RHBDD1: variants seen among roughly 807,000 people sequenced by gnomAD.
RHBDD1 encodes the protein rhomboid-related protein 4.
In RHBDD1, 38 loss-of-function variants were observed where a neutral mutation model predicts 36.3. The observed-to-expected ratio is 1.05, with a 90% CI of 0.81 to 1.37. The LOEUF is 1.37. RHBDD1 is among the 40% of genes most tolerant of loss of function. RHBDD1 has a pLI of 0.00. For missense variants in RHBDD1, 393 were observed against 377.6 expected (o/e 1.04, Z -0.34); for synonymous variants, 151 against 136.5 (o/e 1.11, Z -0.74).
Position 226,995,369 on chromosome 2 carries a change from T to G in RHBDD1, c.857-62T>G. On this transcript the variant is annotated intron_variant, in intron 8 of 8. Coordinates refer to ENST00000392062, the MANE Select transcript of RHBDD1 (RefSeq NM_001167608.3). Reference sequence around the variant, plus strand: ...CTATCACTTTGTTCCCTTGGAATCCTAGGGTACACATGCCTTGTCACGTCA... The same window carrying G: ...CTATCACTTTGTTCCCTTGGAATCCGAGGGTACACATGCCTTGTCACGTCA... 3.0e-6 allele frequency: 3 copies of G among 1,006,414 alleles called. No individual in the cohort carries two copies. The South Asian group carries it at 4.0e-5, about 13-fold the overall frequency. The allele number at this position is 1,006,414 out of a possible 1,614,324, so 62.3% of individuals were successfully genotyped here.
At chr2:226,860,309 G>T (rs1943732056) in intron 3 of RHBDD1, among the ~76,000 whole-genome samples, 1 of 152,030 alleles carries the variant, frequency 6.6e-6, no homozygotes, top group South Asian at 2.1e-4. Flanking sequence ...TTGTGGTCTG[G>T]ATACAAGTTA....
intron 8 of RHBDD1, among the ~76,000 whole-genome samples, chr2:226,958,616 A>G (rs1422604086): frequency 6.6e-6 from 1 of 152,112 alleles, no homozygotes; most frequent in Admixed American, 6.5e-5. Flanking sequence ...AAGTAGGTAT[A>G]TCATCCTAAT....
At chr2:226,867,430 ATC>A in intron 5 of RHBDD1, 112 bp downstream of exon 5, 1 of 1,270,270 alleles carries the variant, frequency 7.9e-7, no homozygotes, top group Non-Finnish European at 1.1e-6. Context: ...TTTATTCTTT[ATC>A]TATTAGGACA....
At chr2:226,982,438 G>A (rs1955981886) in intron 8 of RHBDD1, among the ~76,000 whole-genome samples, 1 of 152,166 alleles carries the variant, frequency 6.6e-6, no homozygotes, top group South Asian at 2.1e-4. Flanking sequence ...TACTAATCAG[G>A]CTTATGGTAG....
chr2:226,827,536 TTTTG>T, the RHBDD1 span, among the ~76,000 whole-genome samples: 1 of 152,226 alleles, frequency 6.6e-6, no homozygotes, highest in Non-Finnish European at 1.5e-5. Flanking sequence ...CGCCTTTTTG[TTTTG>T]TTTTTGTTTG....
intron 8 of RHBDD1, among the ~76,000 whole-genome samples, chr2:226,983,946 G>A (rs1447114081): frequency 1.3e-5 from 2 of 152,192 alleles, no homozygotes; most frequent in Admixed American, 6.5e-5. Flanking sequence ...GCAATGGTGT[G>A]GGGGATCTTG....
chr2:226,844,766 A>G (rs1176925495), intron 3 of RHBDD1, among the ~76,000 whole-genome samples: 4 of 152,192 alleles, frequency 2.6e-5, no homozygotes, highest in African/African-American at 7.2e-5. Flanking sequence ...CCCTCATTAC[A>G]CTAAACCGTG....
intron 8 of RHBDD1, among the ~76,000 whole-genome samples, chr2:226,949,366 A>C (rs1441970459): frequency 6.6e-6 from 1 of 152,182 alleles, no homozygotes; most frequent in Non-Finnish European, 1.5e-5. Context: ...GGTTAGGGGA[A>C]GTTGGGGGCA....
At chr2:226,808,550 T>C in the RHBDD1 span, 1 of 152,196 alleles carries the variant, frequency 6.6e-6, no homozygotes, top group Admixed American at 6.5e-5. Context: ...TGCGTTAGAA[T>C]GACTGAAGGC....
At chr2:226,964,374 A>G (rs1432486777) in intron 8 of RHBDD1, among the ~76,000 whole-genome samples, 5 of 152,162 alleles carry the variant, frequency 3.3e-5, no homozygotes, top group African/African-American at 9.7e-5. Flanking sequence ...CCTTGAAACC[A>G]TACCTTTTTT....
intron 5 of RHBDD1, among the ~76,000 whole-genome samples, chr2:226,901,996 G>T (rs1947637166): frequency 6.6e-6 from 1 of 152,152 alleles, no homozygotes; most frequent in Non-Finnish European, 1.5e-5. Flanking sequence ...TGTGGTCATG[G>T]ATGTAGAGTT....
the RHBDD1 span, among the ~76,000 whole-genome samples, chr2:226,829,564 TTTA>T: frequency 6.6e-6 from 1 of 152,216 alleles, no homozygotes; most frequent in African/African-American, 2.4e-5. Flanking sequence ...TTACACTTCT[TTTA>T]TTAATTTGAT....
At chr2:226,816,938 A>T in the RHBDD1 span, among the ~76,000 whole-genome samples, 1 of 139,682 alleles carries the variant, frequency 7.2e-6, no homozygotes, top group Non-Finnish European at 1.6e-5. Flanking sequence ...CTGAGGGACA[A>T]CTTGCATTTT....
At chr2:226,981,486 CTG>C (rs1955736640) in intron 8 of RHBDD1, among the ~76,000 whole-genome samples, 1 of 151,840 alleles carries the variant, frequency 6.6e-6, no homozygotes, top group Admixed American at 6.6e-5. Context: ...TCTCCTGCCT[CTG>C]TAGGTTAGCA....
At chr2:226,981,282 G>A (rs1385132461) in intron 8 of RHBDD1, among the ~76,000 whole-genome samples, 1 of 152,114 alleles carries the variant, frequency 6.6e-6, no homozygotes, top group Non-Finnish European at 1.5e-5. Flanking sequence ...GAGTTGATGG[G>A]TGCAGCGGGC....
At chr2:226,866,230 C>T (rs185632854) in intron 4 of RHBDD1, among the ~76,000 whole-genome samples, 1 of 152,092 alleles carries the variant, frequency 6.6e-6, no homozygotes. Flanking sequence ...CACCACCATG[C>T]CCAGCTAATT....
chr2:226,823,537 A>AT, the RHBDD1 span, among the ~76,000 whole-genome samples: 2 of 152,202 alleles, frequency 1.3e-5, no homozygotes, highest in African/African-American at 4.8e-5. Context: ...TGAATAATAT[A>AT]TTTTTCTTAA....
intron 5 of RHBDD1, among the ~76,000 whole-genome samples, chr2:226,883,126 T>C (rs1945910034): frequency 6.6e-6 from 1 of 152,250 alleles, no homozygotes; most frequent in Admixed American, 6.5e-5. Flanking sequence ...CTGTGACACT[T>C]ATTTTTATTT....
At chr2:226,953,446 C>T (rs1333161287) in intron 8 of RHBDD1, among the ~76,000 whole-genome samples, 13 of 152,106 alleles carry the variant, frequency 8.5e-5, no homozygotes, top group Non-Finnish European at 1.9e-4. Flanking sequence ...TTAGAAATGG[C>T]CTGGCCCAGA....
Sources: allele counts gnomAD v4.1 joint callset (sites outside exome capture counted in the v4.1 genomes callset), GRCh38; gene constraint gnomAD v4.1.1; transcripts MANE v1.5; gene names NCBI Gene and HGNC (gene_info 2026-07-23, HGNC 2026-07-21).